Variants in IGFL2 observed in about 807,000 individuals in gnomAD.
IGFL2 encodes insulin growth factor-like family member 2.
Under a neutral mutation model 13.9 loss-of-function variants are expected in IGFL2, and 7 were observed. The ratio of observed to expected loss-of-function variants is 0.51; its 90% confidence interval spans 0.29 to 0.95. IGFL2 has a LOEUF of 0.95. Among genes scored for constraint, IGFL2 ranks in the 40% least tolerant of loss-of-function variants. The pLI is 0.08. For synonymous variants in IGFL2, 55 were observed against 55.8 expected (o/e 0.99, Z 0.07); for missense variants, 138 against 147.8 (o/e 0.93, Z 0.34).
upstream of IGFL2, among the ~76,000 whole-genome samples, chr19:46,139,355 T>TTA (rs1555739809): frequency 4.0e-5 from 6 of 150,494 alleles, no homozygotes; most frequent in Non-Finnish European, 7.4e-5. Flanking sequence ...TTTTTTTTTT[T>TTA]AAAAACGAAA....
chr19:46,170,407 G>A, the IGFL2 span, among the ~76,000 whole-genome samples: 1 of 152,210 alleles, frequency 6.6e-6, no homozygotes, highest in Non-Finnish European at 1.5e-5. Context: ...AGCTGAGGAT[G>A]TATGCTGCCT....
chr19:46,115,319 C>G, the IGFL2 span, among the ~76,000 whole-genome samples: 2 of 152,148 alleles, frequency 1.3e-5, no homozygotes, highest in South Asian at 2.1e-4. Context: ...CACAGGCTCT[C>G]TCTTACAGGG....
chr19:46,186,882 C>G, the IGFL2 span, among the ~76,000 whole-genome samples: 8 of 152,196 alleles, frequency 5.3e-5, no homozygotes, highest in Non-Finnish European at 1.2e-4. Context: ...GCTCTCTTAA[C>G]GAGCCTGCTC....
chr19:46,150,602 ATATACT>A (rs1383252644), intron 1 of IGFL2, among the ~76,000 whole-genome samples: 3 of 152,294 alleles, frequency 2.0e-5, no homozygotes, highest in African/African-American at 7.2e-5. Context: ...CTACCACCTA[ATATACT>A]TATTACTTTT....
the IGFL2 span, chr19:46,207,387 AT>A: frequency 1.1e-3 from 161 of 143,004 alleles, no homozygotes; most frequent in Non-Finnish European, 1.1e-3. Flanking sequence ...CCTAATTCAC[AT>A]TTTTTTTTTT....
intron 1 of IGFL2, 130 bp from the exon 2 acceptor site, chr19:46,160,285 A>G (rs1974079980): frequency 2.7e-6 from 2 of 750,584 alleles, no homozygotes; most frequent in Admixed American, 2.1e-5. Flanking sequence ...CTATGCAAAG[A>G]TAGTTCCAAA....
the IGFL2 span, among the ~76,000 whole-genome samples, chr19:46,103,864 G>C: frequency 6.6e-6 from 1 of 152,268 alleles, no homozygotes; most frequent in African/African-American, 2.4e-5. Context: ...GAGTACTTGC[G>C]ACTTCCAGGA....
the IGFL2 span, chr19:46,181,260 G>A: frequency 6.6e-6 from 1 of 152,030 alleles, no homozygotes; most frequent in African/African-American, 2.4e-5. Flanking sequence ...AACTATGAGA[G>A]GAATTTAACT....
At chr19:46,201,734 T>C in the IGFL2 span, among the ~76,000 whole-genome samples, 1 of 151,818 alleles carries the variant, frequency 6.6e-6, no homozygotes, top group Admixed American at 6.6e-5. Flanking sequence ...TGGGTTAAGG[T>C]TGGGGGATAC....
At chr19:46,133,578 C>T in the IGFL2 span, among the ~76,000 whole-genome samples, 5 of 152,198 alleles carry the variant, frequency 3.3e-5, no homozygotes, top group African/African-American at 1.2e-4. Flanking sequence ...CTTGCTTGGG[C>T]CTGTTCAGGC....
At chr19:46,179,283 T>C in the IGFL2 span, among the ~76,000 whole-genome samples, 4 of 91,088 alleles carry the variant, frequency 4.4e-5, no homozygotes, top group Admixed American at 1.5e-4. Context: ...GGTTGTGGGG[T>C]GCGGGGTCTG....
the IGFL2 span, among the ~76,000 whole-genome samples, chr19:46,174,562 C>T: frequency 7.9e-5 from 12 of 152,254 alleles, no homozygotes; most frequent in Non-Finnish European, 1.0e-4. Flanking sequence ...ATTGAGGACT[C>T]GTCCTCAATT....
intron 1 of IGFL2, among the ~76,000 whole-genome samples, chr19:46,158,375 A>AT (rs1973939173): frequency 6.6e-6 from 1 of 151,798 alleles, no homozygotes; most frequent in East Asian, 1.9e-4. Flanking sequence ...TGCCTGGCTA[A>AT]TTTTTTTGTA....
the IGFL2 span, among the ~76,000 whole-genome samples, chr19:46,193,019 A>G: frequency 6.6e-6 from 1 of 151,918 alleles, no homozygotes; most frequent in Non-Finnish European, 1.5e-5. Flanking sequence ...GTGAAATCCT[A>G]TCTCTACTAA....
At chr19:46,140,973 A>G (rs1181938503), upstream of IGFL2, among the ~76,000 whole-genome samples, 1 of 152,216 alleles carries the variant, frequency 6.6e-6, no homozygotes, top group Admixed American at 6.5e-5. Context: ...GCTGTGAAAC[A>G]CACCAGAGTA....
At chr19:46,189,396 A>G in the IGFL2 span, among the ~76,000 whole-genome samples, 1 of 152,182 alleles carries the variant, frequency 6.6e-6, no homozygotes, top group Non-Finnish European at 1.5e-5. Flanking sequence ...CATCACAGGG[A>G]GACAGGCCTC....
the IGFL2 span, chr19:46,124,448 G>A: frequency 1.2e-5 from 15 of 1,202,550 alleles, 1 homozygote; most frequent in African/African-American, 1.7e-4. Flanking sequence ...GGCTAAGTCT[G>A]TATGGGATCC....
the IGFL2 span, among the ~76,000 whole-genome samples, chr19:46,082,266 C>G: frequency 8.9e-3 from 1,359 of 152,294 alleles, 25 homozygotes; most frequent in African/African-American, 0.031. Flanking sequence ...ATTATTAAGA[C>G]AGTTAAACTC....
the IGFL2 span, among the ~76,000 whole-genome samples, chr19:46,135,257 C>G: frequency 6.6e-6 from 1 of 152,192 alleles, no homozygotes. Context: ...GTTGTCCCCT[C>G]ATGTCCACTT....
Sources: gnomAD v4.1 joint callset for allele counts (sites outside exome capture counted in the v4.1 genomes callset) on GRCh38, gnomAD v4.1.1 for gene constraint, MANE v1.5 for transcripts, NCBI Gene and HGNC (gene_info 2026-07-23, HGNC 2026-07-21) for gene names.